The following ME3 variants were observed in gnomAD, a reference collection of about 807,000 sequenced individuals.
ME3 encodes malic enzyme 3, also known as NADP-dependent malic enzyme, mitochondrial.
ME3 carries 48 observed loss-of-function variants against 68.9 expected under a neutral mutation model. The observed-to-expected ratio is 0.70, with a 90% CI of 0.55 to 0.89. The LOEUF is 0.89. Among genes scored for constraint, ME3 ranks in the 40% least tolerant of loss-of-function variants. The probability of loss-of-function intolerance (pLI) is 0.00; values close to 1 mark genes in which losing one functional copy is unlikely to be tolerated. For missense variants in ME3, 675 were observed against 797.4 expected (o/e 0.85, Z 1.85); for synonymous variants, 320 against 318.8 (o/e 1.00, Z -0.04).
At chr11:86,570,749 C>T (rs1359638772) in intron 2 of ME3, among the ~76,000 whole-genome samples, 1 of 152,198 alleles carries the variant, frequency 6.6e-6, no homozygotes, top group African/African-American at 2.4e-5. Context: ...GGCTGCACTG[C>T]CTGCAACCTT....
At chr11:86,560,045 A>G (rs1358371825) in intron 2 of ME3, among the ~76,000 whole-genome samples, 1 of 152,190 alleles carries the variant, frequency 6.6e-6, no homozygotes, top group Non-Finnish European at 1.5e-5. Context: ...TGGGGAAACT[A>G]TCTGTATCAT....
At chr11:86,586,614 G>A (rs1450292203) in intron 2 of ME3, among the ~76,000 whole-genome samples, 1 of 152,134 alleles carries the variant, frequency 6.6e-6, no homozygotes, top group African/African-American at 2.4e-5. Flanking sequence ...ATTGAAAGGT[G>A]GTAAATGACA....
intron 4 of ME3, among the ~76,000 whole-genome samples, chr11:86,527,267 G>A (rs1954831555): frequency 6.6e-6 from 1 of 152,170 alleles, no homozygotes; most frequent in Non-Finnish European, 1.5e-5. Context: ...GGGTATCAGT[G>A]ATGGAAGATC....
intron 2 of ME3, among the ~76,000 whole-genome samples, chr11:86,666,365 A>G (rs192493049): frequency 1.3e-5 from 2 of 152,320 alleles, no homozygotes; most frequent in Non-Finnish European, 2.9e-5. Context: ...GCAGAGAAAC[A>G]AAGTCAAACC....
At chr11:86,551,052 T>G (rs1243959728) in intron 4 of ME3, among the ~76,000 whole-genome samples, 2 of 151,310 alleles carry the variant, frequency 1.3e-5, no homozygotes. Flanking sequence ...TGCAAGAAAA[T>G]GAAGCATACC....
intron 7 of ME3, among the ~76,000 whole-genome samples, chr11:86,467,814 C>A (rs1396069923): frequency 6.6e-6 from 1 of 151,936 alleles, no homozygotes. Flanking sequence ...ATATTTAATT[C>A]AGTTTTATAT....
At chr11:86,586,962 G>C (rs149954393) in intron 2 of ME3, among the ~76,000 whole-genome samples, 3 of 152,150 alleles carry the variant, frequency 2.0e-5, no homozygotes, top group African/African-American at 7.2e-5. Context: ...AGTAAAATGG[G>C]GTGGAGAATG....
intron 5 of ME3, among the ~76,000 whole-genome samples, chr11:86,500,271 A>G (rs1231920565): frequency 1.3e-5 from 2 of 152,248 alleles, no homozygotes. Flanking sequence ...GAAGTTAAAC[A>G]GAGGAAATCT....
chr11:86,583,838 G>GT (rs1958578650), intron 2 of ME3, among the ~76,000 whole-genome samples: 1 of 152,150 alleles, frequency 6.6e-6, no homozygotes, highest in South Asian at 2.1e-4. Context: ...GATGTAAAAT[G>GT]TAAGACCTGA....
At chr11:86,569,576 G>T (rs1425633735) in intron 2 of ME3, among the ~76,000 whole-genome samples, 1 of 152,090 alleles carries the variant, frequency 6.6e-6, no homozygotes, top group East Asian at 1.9e-4. Context: ...TGGTGGGGAG[G>T]TAGAGAGTTT....
At chr11:86,462,683 G>T in intron 8 of ME3, 1 of 939,180 alleles carries the variant, frequency 1.1e-6, no homozygotes, top group Non-Finnish European at 1.5e-6. Context: ...GGGAGCTGGG[G>T]AACAAGAATG....
intron 3 of ME3, among the ~76,000 whole-genome samples, chr11:86,557,966 C>T (rs1484077574): frequency 4.6e-5 from 7 of 151,990 alleles, no homozygotes; most frequent in Admixed American, 3.9e-4. Flanking sequence ...AAGAAGATGG[C>T]GAGTTTTCTT....
At chr11:86,534,101 ATATATATATG>A (rs1324688185) in intron 4 of ME3, among the ~76,000 whole-genome samples, 1 of 120,404 alleles carries the variant, frequency 8.3e-6, no homozygotes, top group African/African-American at 2.8e-5. Flanking sequence ...ATATATATAT[ATATATATATG>A]TAAAATGGTG....
chr11:86,524,148 A>C (rs1185684403), intron 4 of ME3, among the ~76,000 whole-genome samples: 1 of 152,224 alleles, frequency 6.6e-6, no homozygotes. Context: ...CACTTTATAA[A>C]ACAAACACCT....
intron 2 of ME3, among the ~76,000 whole-genome samples, chr11:86,612,000 T>A (rs189803028): frequency 1.7e-3 from 266 of 152,332 alleles, no homozygotes; most frequent in Non-Finnish European, 3.1e-3. Flanking sequence ...GTTTGTTACA[T>A]AGGTAGACAT....
chr11:86,555,591 A>G (rs545997463), intron 4 of ME3, among the ~76,000 whole-genome samples: 21 of 152,322 alleles, frequency 1.4e-4, no homozygotes, highest in African/African-American at 4.8e-4. Flanking sequence ...TTGATGTGCT[A>G]TCCTTTGCCA....
At chr11:86,645,225 C>T (rs976682505) in intron 2 of ME3, among the ~76,000 whole-genome samples, 2 of 152,146 alleles carry the variant, frequency 1.3e-5, no homozygotes, top group African/African-American at 2.4e-5. Context: ...TATTCACTCC[C>T]CTGGAAAGGG....
chr11:86,498,298 C>G (rs934732933), intron 5 of ME3, among the ~76,000 whole-genome samples, 174 bp from the exon 6 acceptor site: 1 of 152,202 alleles, frequency 6.6e-6, no homozygotes, highest in Non-Finnish European at 1.5e-5. Context: ...GTGACCAGTC[C>G]TTCCTGGCAG....
chr11:86,445,481 A>G (rs1442342085), intron 13 of ME3, among the ~76,000 whole-genome samples: 1 of 152,250 alleles, frequency 6.6e-6, no homozygotes, highest in Non-Finnish European at 1.5e-5. Context: ...GAAATGCAGA[A>G]GGATGTTAGA....
Sources: gnomAD v4.1 joint callset for allele counts (sites outside exome capture counted in the v4.1 genomes callset) on GRCh38, gnomAD v4.1.1 for gene constraint, MANE v1.5 for transcripts, NCBI Gene and HGNC (gene_info 2026-07-23, HGNC 2026-07-21) for gene names.